The following SATL1 variants were observed in gnomAD, a reference collection of about 807,000 sequenced individuals.
SATL1 encodes the protein spermidine/spermine N1-acetyl transferase like 1, also known as spermidine/spermine N(1)-acetyltransferase-like protein 1.
In SATL1, 47 loss-of-function variants were observed where a neutral mutation model predicts 51.8. The observed-to-expected ratio is 0.91, with a 90% CI of 0.72 to 1.16. The LOEUF (loss-of-function observed/expected upper bound fraction) is 1.16, where lower values mean the gene tolerates loss of function less well. Among genes scored for constraint, SATL1 ranks in the 50% most tolerant of loss-of-function variants. The probability of loss-of-function intolerance (pLI) is 0.00; values close to 1 mark genes in which losing one functional copy is unlikely to be tolerated. For synonymous variants in SATL1, 176 were observed against 182.4 expected, an observed-to-expected ratio of 0.97 and a Z score of 0.28; for missense variants, 520 against 526.4, an observed-to-expected ratio of 0.99 and a Z score of 0.12.
intron 1 of SATL1, among the ~76,000 whole-genome samples, chrX:85,228,434 T>C (rs769399844): frequency 1.8e-4 from 20 of 111,840 alleles, no homozygotes; most frequent in Non-Finnish European, 3.4e-4. Context: ...TCTATTGATG[T>C]CCCTGTAGCC....
At chrX:85,126,847 A>G (rs1203436439) in intron 2 of SATL1, among the ~76,000 whole-genome samples, 1 of 83,129 alleles carries the variant, frequency 1.2e-5, no homozygotes, top group African/African-American at 4.4e-5. Context: ...TACCCCCCCC[A>G]CCACACCCCT....
intron 4 of SATL1, among the ~76,000 whole-genome samples, chrX:85,101,469 T>A (rs763382197): frequency 8.9e-6 from 1 of 112,199 alleles, no homozygotes; most frequent in Non-Finnish European, 1.9e-5. Flanking sequence ...GCAATGCACA[T>A]CAAAACACAA....
intron 6 of SATL1, 40 bp from the exon 7 acceptor site, chrX:85,093,265 AC>A: frequency 6.2e-6 from 7 of 1,122,591 alleles, no homozygotes; most frequent in Non-Finnish European, 7.2e-6. Flanking sequence ...TGCAAATTTC[AC>A]TTAACTTGTT....
intron 2 of SATL1, among the ~76,000 whole-genome samples, chrX:85,218,272 A>T (rs1287569976): frequency 9.0e-6 from 1 of 111,602 alleles, no homozygotes; most frequent in Non-Finnish European, 1.9e-5. Context: ...CTTAAAATAA[A>T]ACTTAAAAAA....
rs372586635 is a variant in SATL1 at position 85,120,815 on chromosome X, G to A, written c.-312-11535C>T. 3.9e-4 allele frequency among the ~76,000 whole-genome samples: 43 copies of A among 111,199 alleles called. No homozygotes were observed. The South Asian group carries it at 0.015, about 38-fold the overall frequency. On this transcript the variant is annotated intron_variant, in intron 2 of 7. Transcript: ENST00000644105. ...TTAGAGTTGTCTGTCATAGCAAGGC[G>A]TGAAAGACAAATGGGGTCCTGCTTA...
In SATL1 at chrX:85,183,472, G is replaced by C. The variant is rs892187862; in HGVS notation, c.-313+40733C>G. ...TGTACTATGCTCTTCTGGTTACTAAGGCTTTGTAGTATATTTTGAATTTGG... is the reference window on the plus strand; with the variant it reads ...TGTACTATGCTCTTCTGGTTACTAACGCTTTGTAGTATATTTTGAATTTGG... On this transcript the variant is annotated intron_variant, in intron 2 of 7. Coordinates refer to ENST00000644105, the MANE Select transcript of SATL1 (RefSeq NM_001367857.2). Among the ~76,000 whole-genome samples the C allele has an allele frequency of 1.8e-5, 2 of 110,411 alleles. 1 individual carries two copies. Among genetic ancestry groups the C allele is most frequent in the Admixed American group, 1.9e-4 (2 of 10,354 alleles).
intron 1 of SATL1, among the ~76,000 whole-genome samples, chrX:85,235,570 A>G (rs1928463798): frequency 9.0e-6 from 1 of 111,640 alleles, no homozygotes; most frequent in South Asian, 3.7e-4. Flanking sequence ...AAATGAAACA[A>G]CATGCTTCTG....
rs1928701398 is a variant in SATL1 at position 85,243,628 on chromosome X, G to A, written c.-475C>T. On this transcript the variant is annotated 5_prime_UTR_variant, in exon 1 of 8. Transcript: ENST00000644105. ...TCAGTCTAATTTGTCAAATCCTCGAGGGTAGGGCCGATACATTTTTTTTTT... is the reference window on the plus strand; with the variant it reads ...TCAGTCTAATTTGTCAAATCCTCGAAGGTAGGGCCGATACATTTTTTTTTT... The A allele has an allele frequency of 9.0e-6, 1 of 111,321 alleles. No homozygotes were observed. Among genetic ancestry groups the A allele is most frequent in the African/African-American group, 3.3e-5 (1 of 30,598 alleles). The allele number at this position is 111,321 out of a possible 1,213,427, so 9.2% of individuals were successfully genotyped here. A position where few individuals can be genotyped will look rare whatever the true frequency, so the allele number is the denominator to read the frequency against.
intron 2 of SATL1, among the ~76,000 whole-genome samples, chrX:85,155,273 T>G (rs1926559025): frequency 9.0e-6 from 1 of 111,546 alleles, no homozygotes. Context: ...AAATCACACC[T>G]GTAAACATGT....
intron 2 of SATL1, among the ~76,000 whole-genome samples, chrX:85,175,460 A>G (rs770271094): frequency 8.9e-6 from 1 of 111,810 alleles, no homozygotes; most frequent in African/African-American, 3.2e-5. Flanking sequence ...CATTGGAAAC[A>G]AAACAAAACA....
At chrX:85,232,984 A>T (rs1378418296) in intron 1 of SATL1, among the ~76,000 whole-genome samples, 1 of 112,042 alleles carries the variant, frequency 8.9e-6, no homozygotes, top group Non-Finnish European at 1.9e-5. Flanking sequence ...GCAGGCCTTA[A>T]GTGAGACCCC....
chrX:85,119,017 A>G (rs144500569), intron 2 of SATL1, among the ~76,000 whole-genome samples: 2,803 of 111,999 alleles, frequency 0.025, 95 homozygotes, highest in African/African-American at 0.087. Context: ...ACAAATACTT[A>G]TTAAACATTA....
At chrX:85,183,084 A>G (rs1407456376) in intron 2 of SATL1, among the ~76,000 whole-genome samples, 1 of 110,997 alleles carries the variant, frequency 9.0e-6, no homozygotes, top group African/African-American at 3.3e-5. Flanking sequence ...TTTCAGTTTG[A>G]TCCCATTTGT....
intron 2 of SATL1, chrX:85,211,535 T>C (rs1419229976): frequency 2.7e-5 from 3 of 111,722 alleles, no homozygotes; most frequent in Non-Finnish European, 5.7e-5. Context: ...TCAACCTAAG[T>C]ATTTGCTGCC....
intron 1 of SATL1, among the ~76,000 whole-genome samples, chrX:85,232,882 G>GA (rs1368550478): frequency 3.6e-5 from 4 of 111,841 alleles, no homozygotes; most frequent in Non-Finnish European, 7.5e-5. Context: ...ATCCTGAAGG[G>GA]AAAAACACAA....
intron 2 of SATL1, among the ~76,000 whole-genome samples, chrX:85,171,158 G>A (rs1390207363): frequency 3.6e-5 from 4 of 111,074 alleles, no homozygotes; most frequent in Admixed American, 1.9e-4. Flanking sequence ...TATGAGAACC[G>A]GCATAAATCA....
intron 2 of SATL1, among the ~76,000 whole-genome samples, chrX:85,157,306 A>T (rs2147726088): frequency 9.0e-6 from 1 of 110,887 alleles, no homozygotes; most frequent in East Asian, 2.8e-4. Context: ...TTAAATATTG[A>T]AACAAATTAT....
chrX:85,100,971 C>T (rs771411757), intron 4 of SATL1, among the ~76,000 whole-genome samples: 42 of 112,022 alleles, frequency 3.7e-4, no homozygotes, highest in African/African-American at 1.4e-3. Flanking sequence ...TTTCAACAAA[C>T]AGTACTAGGG....
chrX:85,156,801 A>G (rs1405009326), intron 2 of SATL1, among the ~76,000 whole-genome samples: 1 of 92,699 alleles, frequency 1.1e-5, no homozygotes, highest in Non-Finnish European at 2.1e-5. Context: ...AAGGATTTGA[A>G]CCATGTGGAG....
Sources: gnomAD v4.1 joint callset for allele counts (sites outside exome capture counted in the v4.1 genomes callset) on GRCh38, gnomAD v4.1.1 for gene constraint, MANE v1.5 for transcripts, NCBI Gene and HGNC (gene_info 2026-07-23, HGNC 2026-07-21) for gene names.